NPAS3: variants seen among roughly 807,000 people sequenced by gnomAD.
The protein encoded by NPAS3 is neuronal PAS domain protein 3, also known as neuronal PAS domain-containing protein 3.
Under a neutral mutation model 73.1 loss-of-function variants are expected in NPAS3, and 14 were observed. The observed-to-expected ratio is 0.19, with a 90% CI of 0.13 to 0.30. The LOEUF (loss-of-function observed/expected upper bound fraction) is 0.30, where lower values mean the gene tolerates loss of function less well. Among genes scored for constraint, NPAS3 ranks in the 10% least tolerant of loss-of-function variants. NPAS3 has a pLI of 1.00. For synonymous variants in NPAS3, 620 were observed against 541.5 expected (o/e 1.14, Z -2.01); for missense variants, 1,096 against 1,250.0 (o/e 0.88, Z 1.86).
At chr14:33,632,807 C>G (rs1254756275) in intron 5 of NPAS3, among the ~76,000 whole-genome samples, 1 of 152,196 alleles carries the variant, frequency 6.6e-6, no homozygotes, top group African/African-American at 2.4e-5. Flanking sequence ...AAACTGCCCT[C>G]AAGAGATGAC....
At chr14:33,566,873 A>G (rs190674063) in intron 5 of NPAS3, among the ~76,000 whole-genome samples, 2 of 152,334 alleles carry the variant, frequency 1.3e-5, no homozygotes, top group East Asian at 1.9e-4. Context: ...TTATGTAACA[A>G]TGACATAAGG....
intron 6 of NPAS3, chr14:33,680,868 T>TC (rs2059916134): frequency 3.9e-6 from 2 of 510,532 alleles, no homozygotes; most frequent in African/African-American, 3.9e-5. Flanking sequence ...GGTTATCATG[T>TC]TTTGTCTAAA....
intron 4 of NPAS3, among the ~76,000 whole-genome samples, chr14:33,510,002 A>G (rs917489777): frequency 3.3e-5 from 5 of 151,966 alleles, no homozygotes; most frequent in Non-Finnish European, 1.5e-5. Flanking sequence ...GTGCATGCAC[A>G]CTTTTTGTTT....
At chr14:33,308,527 TAC>T (rs1555371843) in intron 3 of NPAS3, among the ~76,000 whole-genome samples, 54 of 103,612 alleles carry the variant, frequency 5.2e-4, no homozygotes, top group Non-Finnish European at 6.4e-4. Context: ...TATATATATA[TAC>T]ATACACACAC....
intron 3 of NPAS3, among the ~76,000 whole-genome samples, chr14:33,358,428 C>T (rs2045440647): frequency 6.6e-6 from 1 of 151,960 alleles, no homozygotes; most frequent in Non-Finnish European, 1.5e-5. Flanking sequence ...GATGATGCGC[C>T]TGGAACATGC....
rs35853342 is a variant in NPAS3, at chr14:33,449,631, GCA to G, written c.468+82382_468+82383del. Among the ~76,000 whole-genome samples, 82 of 148,294 alleles carry G rather than the reference GCA, an allele frequency of 5.5e-4. 1 individual carries two copies. Among genetic ancestry groups the G allele is most frequent in the East Asian group, 2.0e-3 (10 of 5,076 alleles). On this transcript the variant is annotated intron_variant, in intron 4 of 11. Coordinates refer to ENST00000356141, the Ensembl canonical transcript of NPAS3. ...CACACACATATACATGCACACACAT[GCA>G]CACACACACACACACACAGAGAAGA...
At chr14:33,051,573 A>G (rs1459616057) in intron 1 of NPAS3, among the ~76,000 whole-genome samples, 2 of 152,198 alleles carry the variant, frequency 1.3e-5, no homozygotes, top group African/African-American at 4.8e-5. Flanking sequence ...TTCAAATTCC[A>G]TAAACACAGG....
At chr14:33,769,047 C>G (rs2062556428) in intron 7 of NPAS3, among the ~76,000 whole-genome samples, 1 of 152,110 alleles carries the variant, frequency 6.6e-6, no homozygotes, top group South Asian at 2.1e-4. Flanking sequence ...ATTTTTTAAA[C>G]AAAATTATTC....
intron 5 of NPAS3, among the ~76,000 whole-genome samples, chr14:33,563,600 G>T (rs1270436399): frequency 6.6e-6 from 1 of 150,922 alleles, no homozygotes; most frequent in East Asian, 2.0e-4. Flanking sequence ...CAACATCCAA[G>T]AACTGGTTTC....
At chr14:33,518,235 C>A (rs1006741102) in intron 4 of NPAS3, among the ~76,000 whole-genome samples, 2 of 151,700 alleles carry the variant, frequency 1.3e-5, no homozygotes, top group African/African-American at 4.8e-5. Flanking sequence ...AGATGGGTTG[C>A]TCATAAATTG....
At chr14:33,432,567 T>C (rs1481427027) in intron 4 of NPAS3, among the ~76,000 whole-genome samples, 1 of 152,194 alleles carries the variant, frequency 6.6e-6, no homozygotes, top group Non-Finnish European at 1.5e-5. Flanking sequence ...CTTTGAACAG[T>C]GGCCTCATTT....
At chr14:33,692,000 C>A (rs1011140395) in intron 6 of NPAS3, among the ~76,000 whole-genome samples, 1 of 152,082 alleles carries the variant, frequency 6.6e-6, no homozygotes, top group Non-Finnish European at 1.5e-5. Context: ...GATTTGGTAG[C>A]AATTCAATTA....
chr14:33,375,037 ATC>A (rs2140453322), intron 4 of NPAS3, among the ~76,000 whole-genome samples: 1 of 152,266 alleles, frequency 6.6e-6, no homozygotes, highest in African/African-American at 2.4e-5. Context: ...TAAAATGATC[ATC>A]TCTAGGAAGT....
At chr14:33,263,736 A>T (rs970396676) in intron 3 of NPAS3, among the ~76,000 whole-genome samples, 3 of 152,096 alleles carry the variant, frequency 2.0e-5, no homozygotes, top group African/African-American at 7.2e-5. Context: ...CATGATACTG[A>T]TTCTTCCTAC....
chr14:33,547,936 T>G (rs1221743857), intron 4 of NPAS3, among the ~76,000 whole-genome samples: 3 of 152,258 alleles, frequency 2.0e-5, no homozygotes, highest in East Asian at 3.8e-4. Context: ...TTTTCTCAAC[T>G]GTGAAGTTGA....
intron 1 of NPAS3, among the ~76,000 whole-genome samples, chr14:32,961,650 G>T (rs1449746341): frequency 1.3e-5 from 2 of 151,982 alleles, no homozygotes; most frequent in Non-Finnish European, 1.5e-5. Flanking sequence ...CATCATCCTT[G>T]TCACCATGAA....
chr14:33,263,599 GCA>G (rs2049057238), intron 3 of NPAS3, among the ~76,000 whole-genome samples: 1 of 152,108 alleles, frequency 6.6e-6, no homozygotes, highest in Admixed American at 6.5e-5. Flanking sequence ...ACTTGGCAAT[GCA>G]GGCTCTTTTT....
intron 5 of NPAS3, among the ~76,000 whole-genome samples, chr14:33,675,139 G>C (rs1409150284): frequency 6.6e-6 from 1 of 152,108 alleles, no homozygotes; most frequent in Non-Finnish European, 1.5e-5. Flanking sequence ...TGAAACCATT[G>C]CACTCCGGAG....
At chr14:33,667,340 T>C (rs954508563) in intron 5 of NPAS3, among the ~76,000 whole-genome samples, 27 of 152,166 alleles carry the variant, frequency 1.8e-4, no homozygotes, top group Admixed American at 1.7e-3. Context: ...TACATGTGTG[T>C]GATTACAGCA....
Sources: gnomAD v4.1 joint callset for allele counts (sites outside exome capture counted in the v4.1 genomes callset) on GRCh38, gnomAD v4.1.1 for gene constraint, MANE v1.5 for transcripts, NCBI Gene and HGNC (gene_info 2026-07-23, HGNC 2026-07-21) for gene names.